MLLT10: variants seen among roughly 807,000 people sequenced by gnomAD.
MLLT10 encodes MLLT10 histone lysine methyltransferase DOT1L cofactor, also known as protein AF-10.
MLLT10 carries 30 observed loss-of-function variants against 129.1 expected under a neutral mutation model. That is an observed-to-expected ratio of 0.23 (90% CI 0.17 to 0.32). The LOEUF is 0.32. Ranked by LOEUF, MLLT10 falls within the 10% of genes least tolerant of loss-of-function variation. The pLI, the probability that MLLT10 is intolerant of heterozygous loss-of-function variation, is 1.00. For synonymous variants in MLLT10, 490 were observed against 446.4 expected, an observed-to-expected ratio of 1.10 and a Z score of -1.23; for missense variants, 1,119 against 1,268.3, an observed-to-expected ratio of 0.88 and a Z score of 1.79.
At chr10:21,699,083 C>T (rs182519731) in intron 13 of MLLT10, among the ~76,000 whole-genome samples, 10 of 152,266 alleles carry the variant, frequency 6.6e-5, no homozygotes, top group Admixed American at 6.5e-4. Context: ...CCATGTTGGC[C>T]AGGCTGGTCT....
At chr10:21,737,716 G>A (rs2058490061) in intron 21 of MLLT10, among the ~76,000 whole-genome samples, 1 of 152,144 alleles carries the variant, frequency 6.6e-6, no homozygotes, top group African/African-American at 2.4e-5. Context: ...TGGCTCAGGT[G>A]CAGGGCAGGC....
At chr10:21,683,091 A>G (rs1361623499) in intron 13 of MLLT10, among the ~76,000 whole-genome samples, 1 of 152,222 alleles carries the variant, frequency 6.6e-6, no homozygotes, top group Non-Finnish European at 1.5e-5. Flanking sequence ...TTTAATTTGC[A>G]GTCGATTTGT....
chr10:21,648,593 G>A (rs1439824173), intron 8 of MLLT10, among the ~76,000 whole-genome samples: 1 of 152,150 alleles, frequency 6.6e-6, no homozygotes, highest in African/African-American at 2.4e-5. Context: ...AATTATCTTT[G>A]TAGGGAGAAA....
intron 21 of MLLT10, among the ~76,000 whole-genome samples, chr10:21,739,018 G>C (rs919460421): frequency 6.6e-6 from 1 of 152,234 alleles, no homozygotes; most frequent in East Asian, 1.9e-4. Flanking sequence ...AACGTGTCCA[G>C]AACCGAACAG....
At chr10:21,717,847 C>T (rs2056833637) in intron 14 of MLLT10, among the ~76,000 whole-genome samples, 1 of 148,052 alleles carries the variant, frequency 6.8e-6, no homozygotes, top group African/African-American at 2.5e-5. Flanking sequence ...CCTTCTCCTC[C>T]TCCTTCTCCT....
At chr10:21,728,775 C>A (rs1178341688) in intron 16 of MLLT10, among the ~76,000 whole-genome samples, 1 of 151,972 alleles carries the variant, frequency 6.6e-6, no homozygotes, top group Non-Finnish European at 1.5e-5. Flanking sequence ...TGTCTATAAT[C>A]CCAGCGCTTT....
At chr10:21,680,612 A>G (rs925038853) in intron 11 of MLLT10, among the ~76,000 whole-genome samples, 1 of 152,214 alleles carries the variant, frequency 6.6e-6, no homozygotes, top group African/African-American at 2.4e-5. Flanking sequence ...CTAAATTATC[A>G]TACTTAAATT....
intron 5 of MLLT10, among the ~76,000 whole-genome samples, chr10:21,600,890 A>T (rs1455823292): frequency 6.6e-6 from 1 of 152,006 alleles, no homozygotes; most frequent in African/African-American, 2.4e-5. Flanking sequence ...TTTTCTCAGG[A>T]ATAGTAAACT....
intron 3 of MLLT10, among the ~76,000 whole-genome samples, chr10:21,541,911 T>C (rs1554780073): frequency 6.6e-6 from 1 of 152,224 alleles, no homozygotes; most frequent in Non-Finnish European, 1.5e-5. Flanking sequence ...ATTTAGCAAA[T>C]GGAGGATAAA....
intron 4 of MLLT10, among the ~76,000 whole-genome samples, chr10:21,589,294 A>G (rs998083664): frequency 1.4e-5 from 2 of 144,724 alleles, no homozygotes; most frequent in Non-Finnish European, 3.0e-5. Context: ...ATTTTGAGTT[A>G]TTAGTTAGAA....
intron 4 of MLLT10, among the ~76,000 whole-genome samples, chr10:21,589,689 G>T (rs537701164): frequency 1.3e-5 from 2 of 152,060 alleles, no homozygotes; most frequent in Non-Finnish European, 2.9e-5. Context: ...TTCATTCTCT[G>T]TTTCTTTAAG....
chr10:21,679,962 G>T (rs774496902), intron 11 of MLLT10, among the ~76,000 whole-genome samples: 1 of 152,144 alleles, frequency 6.6e-6, no homozygotes, highest in African/African-American at 2.4e-5. Flanking sequence ...AGCCATAAGG[G>T]AATATCAGTT....
At chr10:21,652,962 A>G (rs1314336194) in intron 9 of MLLT10, among the ~76,000 whole-genome samples, 1 of 152,236 alleles carries the variant, frequency 6.6e-6, no homozygotes, top group Non-Finnish European at 1.5e-5. Flanking sequence ...ATGATTCCAA[A>G]GATTTTGGGT....
intron 8 of MLLT10, among the ~76,000 whole-genome samples, chr10:21,622,816 A>G (rs919969231): frequency 5.3e-4 from 80 of 152,178 alleles, no homozygotes; most frequent in Admixed American, 5.0e-3. Context: ...CAGATCCCAT[A>G]GATACTGGGT....
At position 21,713,787 on chromosome 10, in the gene MLLT10, A is replaced by C. The variant is rs371908889; in HGVS notation, c.1715A>C (p.Asn572Thr). The change falls in exon 14 of 23, where the codon AAT (asparagine) becomes ACT (threonine). Residue 572 changes from asparagine to threonine, a missense_variant. Asn to Thr is a moderately conservative substitution (Grantham distance 65, BLOSUM62 0). Around this residue, in one of 5 missense-constraint regions of MLLT10, gnomAD observed 1,004 missense variants for 1,008.7 expected, o/e 1.00. Coordinates refer to ENST00000307729, the MANE Select transcript of MLLT10 (RefSeq NM_001195626.3). The stretch of plus-strand genomic sequence containing the variant: ...TTTTTTGCAGGTATTTATAACAGCA[A>C]TGATGTAGCAGTATCGTTTCCAAAT... ...NAIHNGIYNS[N>T]DVAVSFPNVV... is the part of the protein sequence containing the mutation. 1 of 1,609,970 alleles carries C rather than the reference A, an allele frequency of 6.2e-7. No homozygotes were observed. Among genetic ancestry groups the C allele is most frequent in the Non-Finnish European group, 8.5e-7 (1 of 1,178,622 alleles).
chr10:21,734,155 T>C, intron 20 of MLLT10, 26 bp downstream of exon 20: 1 of 1,564,288 alleles, frequency 6.4e-7, no homozygotes, highest in Non-Finnish European at 8.7e-7. Flanking sequence ...ATGTTTTGGG[T>C]TTTTTAGTAT....
intron 17 of MLLT10, 138 bp downstream of exon 17, chr10:21,731,192 G>T (rs1320239675): frequency 3.7e-6 from 3 of 809,318 alleles, no homozygotes; most frequent in African/African-American, 3.5e-5. Context: ...GTGAGAGAAA[G>T]TATAAGGTGA....
At chr10:21,666,480 A>G (rs1589525515) in intron 9 of MLLT10, among the ~76,000 whole-genome samples, 2 of 151,958 alleles carry the variant, frequency 1.3e-5, no homozygotes, top group Admixed American at 1.3e-4. Flanking sequence ...CCTGCCCAAC[A>G]TGGTGAAACC....
At chr10:21,721,227 C>G (rs1260652713) in intron 14 of MLLT10, among the ~76,000 whole-genome samples, 1 of 152,014 alleles carries the variant, frequency 6.6e-6, no homozygotes, top group Non-Finnish European at 1.5e-5. Context: ...CTATATATAA[C>G]CTGTTCCTGT....
Sources: allele counts gnomAD v4.1 joint callset (sites outside exome capture counted in the v4.1 genomes callset), GRCh38; gene constraint gnomAD v4.1.1; regional missense constraint gnomAD v4.1.1; transcripts MANE v1.5; gene names NCBI Gene and HGNC (gene_info 2026-07-23, HGNC 2026-07-21).